CFAP144: variants seen among roughly 807,000 people sequenced by gnomAD.
The protein encoded by CFAP144 is cilia and flagella associated protein 144, also known as cilia- and flagella-associated protein 144.
the CFAP144 span, among the ~76,000 whole-genome samples, chr1:43,146,963 A>T: frequency 8.5e-5 from 13 of 152,142 alleles, no homozygotes; most frequent in Non-Finnish European, 1.3e-4. Context: ...CTCCTGCCTC[A>T]GCCTCCCGAG....
the CFAP144 span, among the ~76,000 whole-genome samples, chr1:43,151,744 G>T: frequency 1.3e-5 from 2 of 152,112 alleles, no homozygotes; most frequent in Non-Finnish European, 2.9e-5. Context: ...TTTGGTGAAG[G>T]ACAGATGACC....
the CFAP144 span, chr1:43,150,807 G>A: frequency 1.1e-5 from 17 of 1,609,890 alleles, no homozygotes; most frequent in East Asian, 2.0e-4. Context: ...ATAACCTGGA[G>A]GAACCTGCAG....
chr1:43,143,790 C>G, the CFAP144 span, among the ~76,000 whole-genome samples: 1 of 152,326 alleles, frequency 6.6e-6, no homozygotes, highest in East Asian at 1.9e-4. Flanking sequence ...TGCTCTGAAG[C>G]GCCCCCTACA....
At chr1:43,145,274 C>T in the CFAP144 span, 19 of 1,550,114 alleles carry the variant, frequency 1.2e-5, no homozygotes, top group African/African-American at 2.2e-4. Flanking sequence ...AAGAGTGGAA[C>T]ACATCTAATG....
the CFAP144 span, chr1:43,152,961 G>A: frequency 1.3e-5 from 21 of 1,593,494 alleles, no homozygotes; most frequent in African/African-American, 2.0e-4. Flanking sequence ...CAGGAAATAC[G>A]AGGAAACACA....
the CFAP144 span, among the ~76,000 whole-genome samples, chr1:43,145,469 G>A: frequency 7.2e-5 from 11 of 152,252 alleles, no homozygotes; most frequent in South Asian, 2.1e-4. Flanking sequence ...TCCCAAGGAC[G>A]TTCTGCCCTT....
chr1:43,154,421 T>C, the CFAP144 span, among the ~76,000 whole-genome samples: 1 of 96,602 alleles, frequency 1.0e-5, no homozygotes, highest in African/African-American at 1.0e-4. Flanking sequence ...TACGCACATA[T>C]ACACACACAT....
chr1:43,156,069 A>G, the CFAP144 span: 2 of 700,032 alleles, frequency 2.9e-6, no homozygotes, highest in South Asian at 3.3e-5. Context: ...TTTGATGTAC[A>G]TGTGGTCATC....
At chr1:43,153,086 T>A in the CFAP144 span, 1 of 917,512 alleles carries the variant, frequency 1.1e-6, no homozygotes, top group Non-Finnish European at 1.6e-6. Flanking sequence ...TGACTCAGTT[T>A]AATTGTTGTA....
At chr1:43,150,628 C>G in the CFAP144 span, 1 of 737,244 alleles carries the variant, frequency 1.4e-6, no homozygotes. Context: ...TATCCTAGCA[C>G]CCAGGATAAT....
the CFAP144 span, among the ~76,000 whole-genome samples, chr1:43,145,630 T>C: frequency 6.6e-6 from 1 of 152,246 alleles, no homozygotes; most frequent in Non-Finnish European, 1.5e-5. Context: ...CCTGACCAGA[T>C]GATAGCATCA....
chr1:43,154,421 TAC>T, the CFAP144 span, among the ~76,000 whole-genome samples: 7 of 96,620 alleles, frequency 7.2e-5, no homozygotes, highest in African/African-American at 2.0e-4. Flanking sequence ...TACGCACATA[TAC>T]ACACACATAT....
At chr1:43,153,437 C>A in the CFAP144 span, among the ~76,000 whole-genome samples, 3 of 151,984 alleles carry the variant, frequency 2.0e-5, no homozygotes, top group African/African-American at 7.2e-5. Flanking sequence ...TAGTGAAATC[C>A]CATCTGTACT....
the CFAP144 span, among the ~76,000 whole-genome samples, chr1:43,153,655 A>T: frequency 2.6e-5 from 4 of 151,542 alleles, no homozygotes; most frequent in South Asian, 2.1e-4. Context: ...AACATTTTTT[A>T]AAATTAAAAA....
the CFAP144 span, among the ~76,000 whole-genome samples, chr1:43,151,475 C>T: frequency 1.3e-5 from 2 of 152,084 alleles, no homozygotes; most frequent in South Asian, 4.1e-4. Context: ...ACAGGTGCCC[C>T]CATCAGGCAG....
At chr1:43,150,767 C>T in the CFAP144 span, 8 of 1,608,478 alleles carry the variant, frequency 5.0e-6, no homozygotes, top group Non-Finnish European at 6.8e-6. Flanking sequence ...CTAGTTCATA[C>T]AGTCACCAGG....
At chr1:43,145,125 A>T in the CFAP144 span, 1 of 702,774 alleles carries the variant, frequency 1.4e-6, no homozygotes. Flanking sequence ...TTTTTTTGAC[A>T]GTTTGCTCCT....
At chr1:43,148,126 G>A in the CFAP144 span, 1 of 1,597,046 alleles carries the variant, frequency 6.3e-7, no homozygotes, top group Non-Finnish European at 8.5e-7. Context: ...AGAGCGGGAG[G>A]GCGCCGGGGA....
the CFAP144 span, among the ~76,000 whole-genome samples, chr1:43,146,981 G>A: frequency 1.3e-5 from 2 of 152,282 alleles, no homozygotes; most frequent in East Asian, 3.9e-4. Flanking sequence ...GAGTAGCTGG[G>A]ATTACAGGCA....
Sources: gnomAD v4.1 joint callset for allele counts (sites outside exome capture counted in the v4.1 genomes callset) on GRCh38, gnomAD v4.1.1 for gene constraint, MANE v1.5 for transcripts, NCBI Gene and HGNC (gene_info 2026-07-23, HGNC 2026-07-21) for gene names.